The following CLK1 variants were observed in gnomAD, a reference collection of about 807,000 sequenced individuals.
The protein encoded by CLK1 is CDC like kinase 1.
Under a neutral mutation model 60.9 loss-of-function variants are expected in CLK1, and 40 were observed. The ratio of observed to expected loss-of-function variants is 0.66; its 90% confidence interval spans 0.51 to 0.86. The LOEUF (loss-of-function observed/expected upper bound fraction) is 0.86, where lower values mean the gene tolerates loss of function less well. Among genes scored for constraint, CLK1 ranks in the 40% least tolerant of loss-of-function variants. CLK1 has a pLI of 0.00. For missense variants in CLK1, 563 were observed against 606.1 expected (o/e 0.93, Z 0.75); for synonymous variants, 203 against 184.4 (o/e 1.10, Z -0.82).
rs1165376831 is a variant in CLK1 at position 200,856,703 on chromosome 2, T to C, written c.1036A>G (p.Arg346Gly). ...TCACCTAAAATAACTTCAGGTGCTC[T>C]ATAATGTCTTGTAGATACCAATGTA... The part of the protein sequence containing the change: ...HSTLVSTRHY[R>G]APEVILALGW... Residue 346 changes from arginine (R) to glycine (G), a missense_variant, in exon 9 of 13, where the codon AGA becomes GGA. Transcript: ENST00000321356. The C allele has an allele frequency of 1.2e-6, 2 of 1,600,180 alleles. No individual in the cohort carries two copies. Among genetic ancestry groups the C allele is most frequent in the Admixed American group, 1.7e-5 (1 of 57,312 alleles).
chr2:200,854,932 A>G, intron 10 of CLK1, 72 bp downstream of exon 10: 1 of 1,156,460 alleles, frequency 8.6e-7, no homozygotes. Context: ...TGGGGGAAGC[A>G]AAAGTATTTA....
At chr2:200,858,842 T>TAAAAG (rs2039087706) in intron 5 of CLK1, among the ~76,000 whole-genome samples, 1 of 147,278 alleles carries the variant, frequency 6.8e-6, no homozygotes, top group African/African-American at 2.5e-5. Context: ...AACAGGGAAC[T>TAAAAG]AAAAAAAAAG....
intron 1 of CLK1, chr2:200,863,284 G>GA (rs1210787847): frequency 6.6e-6 from 1 of 152,258 alleles, no homozygotes; most frequent in Non-Finnish European, 1.5e-5. Context: ...TTGGGTCGGG[G>GA]GCCGTGGCTT....
chr2:200,864,039 G>A (rs2039186998), intron 1 of CLK1: 2 of 1,469,954 alleles, frequency 1.4e-6, no homozygotes, highest in African/African-American at 1.4e-5. Context: ...TGTTTACGCC[G>A]ACACTTTCAT....
intron 1 of CLK1, chr2:200,864,213 C>A: frequency 6.5e-7 from 1 of 1,548,408 alleles, no homozygotes; most frequent in Non-Finnish European, 8.7e-7. Flanking sequence ...AGCCGGCCTC[C>A]GCCCAGCCGC....
intron 4 of CLK1, 43 bp from the exon 5 acceptor site, chr2:200,859,789 A>G (rs1220693372): frequency 1.9e-6 from 3 of 1,607,952 alleles, no homozygotes; most frequent in Non-Finnish European, 2.5e-6. Flanking sequence ...AGAAGTGGAA[A>G]CAATGTACTT....
At chr2:200,858,738 T>C (rs959392235) in intron 5 of CLK1, among the ~76,000 whole-genome samples, 9 of 151,660 alleles carry the variant, frequency 5.9e-5, no homozygotes, top group African/African-American at 2.2e-4. Flanking sequence ...CTAGCTCTCA[T>C]GTCCTTACCA....
chr2:200,861,981 T>A (rs563379555), intron 1 of CLK1, 119 bp from the exon 2 acceptor site: 6 of 733,346 alleles, frequency 8.2e-6, no homozygotes, highest in Non-Finnish European at 1.3e-5. Context: ...AGAATCATTA[T>A]CACCCAATCT....
chr2:200,853,301 C>G lies in CLK1; in HGVS notation c.*5G>C. On this transcript the variant is annotated 3_prime_UTR_variant, in exon 13 of 13. Coordinates refer to ENST00000321356, the MANE Select transcript of CLK1 (RefSeq NM_004071.4). ...TCTCTTCGAGAGAGCTGTCCAATTA[C>G]AGATCTATATACTTTTCTTCAGAAG... 1 of 1,597,276 alleles carries G rather than the reference C, an allele frequency of 6.3e-7. No homozygotes were observed. Among genetic ancestry groups the G allele is most frequent in the Non-Finnish European group, 8.5e-7 (1 of 1,173,554 alleles).
chr2:200,853,180 A>C lies in CLK1; in HGVS notation c.*126T>G. The stretch of plus-strand genomic sequence containing the variant: ...TGTACTTAATGAACCAAATTACCCA[A>C]ACAAAATAAACATGGCAATATAAAA... On this transcript the variant is annotated 3_prime_UTR_variant, in exon 13 of 13. Coordinates refer to ENST00000321356, the MANE Select transcript of CLK1 (RefSeq NM_004071.4). 1 of 700,234 alleles carries C rather than the reference A, an allele frequency of 1.4e-6. No homozygotes were observed. The highest frequency in any genetic ancestry group is 2.2e-6 in the Non-Finnish European group (1 of 449,292). 43.4% of individuals were successfully genotyped at this position (700,234 alleles called of 1,614,324 possible). A position where few individuals can be genotyped will look rare whatever the true frequency, so the allele number is the denominator to read the frequency against.
Position 200,860,239 on chromosome 2 carries a change from C to A in CLK1, c.391-24G>T, listed in dbSNP as rs749779614. The A allele has an allele frequency of 3.1e-6, 5 of 1,613,676 alleles. No individual in the cohort carries two copies. The East Asian group carries it at 8.9e-5, about 29-fold the overall frequency. Reference sequence around the variant, plus strand: ...TTCTGGAAACGTCAAGTGGGCGGCACCAAGATCATCCAGCCAATCAATATA... The same window carrying A: ...TTCTGGAAACGTCAAGTGGGCGGCAACAAGATCATCCAGCCAATCAATATA... On this transcript the variant is annotated intron_variant, in intron 3 of 12. Transcript: ENST00000321356.
At position 200,861,438 on chromosome 2, in the gene CLK1, C is replaced by T; in HGVS notation, c.190G>A (p.Glu64Lys). The change falls in exon 3 of 13, where the codon GAG becomes AAG. Residue 64 changes from glutamate to lysine, a missense_variant. Glu to Lys is a moderately conservative substitution (Grantham distance 56). Transcript: ENST00000321356. The part of the protein sequence containing the change: ...SHYLESRSIN[E>K]KDYHSRRYID... ...TAGCGTCGACTATGATAATCTTTCTCATTTATAGACCTGCTTTCCAAATAA... is the reference window on the plus strand; with the variant it reads ...TAGCGTCGACTATGATAATCTTTCTTATTTATAGACCTGCTTTCCAAATAA... The T allele has an allele frequency of 6.2e-7, 1 of 1,613,752 alleles. No homozygotes were observed. Among genetic ancestry groups the T allele is most frequent in the Non-Finnish European group, 8.5e-7 (1 of 1,179,938 alleles).
At chr2:200,864,186 T>TCCGGCCACAGGGCCGAAG (rs752367012) in intron 1 of CLK1, 1 of 1,550,884 alleles carries the variant, frequency 6.4e-7, no homozygotes, top group African/African-American at 1.4e-5. Flanking sequence ...GCCTCGCCTT[T>TCCGGCCACAGGGCCGAAG]CCGGCCACAG....
rs1265706150 is a variant in CLK1, at chr2:200,861,799, A to C, written c.64T>G (p.Trp22Gly). The C allele has an allele frequency of 6.2e-7, 1 of 1,613,878 alleles. No individual in the cohort carries two copies. Among genetic ancestry groups the C allele is most frequent in the Admixed American group, 1.7e-5 (1 of 60,002 alleles). The change falls in exon 2 of 13, where the codon TGG (tryptophan) becomes GGG (glycine). Residue 22 changes from tryptophan (W) to glycine (G), a missense_variant. Transcript: ENST00000321356. ...WDDKDWDYGK[W>G]RSSSSHKRRK... is the part of the protein sequence containing the mutation. ...CTTTTATGACTGCTGCTGCTCCTCC[A>C]TTTTCCATAATCCCAATCCTTGTCA...
intron 9 of CLK1, 52 bp from the exon 10 acceptor site, chr2:200,855,138 G>A: frequency 3.6e-6 from 5 of 1,378,756 alleles, no homozygotes; most frequent in African/African-American, 1.5e-5. Context: ...GTTTGTTAAA[G>A]AAATTAAAAA....
At chr2:200,854,974 G>A (rs2039014641) in intron 10 of CLK1, 30 bp downstream of exon 10, 1 of 1,556,264 alleles carries the variant, frequency 6.4e-7, no homozygotes, top group Non-Finnish European at 8.8e-7. Flanking sequence ...CTTGTGCAAA[G>A]CAAGGTTGAA....
chr2:200,860,021 AC>A, intron 4 of CLK1, 103 bp downstream of exon 4: 1 of 1,498,196 alleles, frequency 6.7e-7, no homozygotes, highest in African/African-American at 1.4e-5. Flanking sequence ...TAAAACAAAA[AC>A]AAAAAAGAGA....
At chr2:200,854,721 G>C (rs1280107917) in intron 10 of CLK1, 26 bp from the exon 11 acceptor site, 2 of 1,504,424 alleles carry the variant, frequency 1.3e-6, no homozygotes, top group Non-Finnish European at 9.2e-7. Flanking sequence ...AAACAGACTT[G>C]GGGAAGATGA....
At chr2:200,855,386 G>C (rs983218728) in intron 9 of CLK1, among the ~76,000 whole-genome samples, 18 of 152,116 alleles carry the variant, frequency 1.2e-4, no homozygotes, top group African/African-American at 4.3e-4. Flanking sequence ...CCTTTGGGAG[G>C]CTGAGGCAGG....
Sources: allele counts gnomAD v4.1 joint callset (sites outside exome capture counted in the v4.1 genomes callset), GRCh38; gene constraint gnomAD v4.1.1; transcripts MANE v1.5; gene names NCBI Gene and HGNC (gene_info 2026-07-23, HGNC 2026-07-21).